Variants in DLGAP2 observed in about 807,000 individuals in gnomAD.
DLGAP2 encodes DLG associated protein 2, also known as disks large-associated protein 2.
A neutral mutation model predicts 100.3 loss-of-function variants in DLGAP2; 26 were observed. That is an observed-to-expected ratio of 0.26 (90% CI 0.19 to 0.36). The LOEUF (loss-of-function observed/expected upper bound fraction) is 0.36. Among genes scored for constraint, DLGAP2 ranks in the 10% least tolerant of loss-of-function variants. DLGAP2 has a pLI of 1.00. For missense variants in DLGAP2, 1,858 were observed against 1,453.2 expected (o/e 1.28, Z -4.53); for synonymous variants, 886 against 630.1 (o/e 1.41, Z -6.08).
intron 2 of DLGAP2, among the ~76,000 whole-genome samples, chr8:1,164,294 GC>G (rs1296174631): frequency 4.0e-4 from 21 of 52,164 alleles, no homozygotes; most frequent in South Asian, 5.9e-4. Context: ...CTGATTGTGA[GC>G]CCCCCAGGGT....
intron 2 of DLGAP2, among the ~76,000 whole-genome samples, chr8:994,378 T>C (rs1392557437): frequency 6.6e-6 from 1 of 152,120 alleles, no homozygotes; most frequent in Non-Finnish European, 1.5e-5. Flanking sequence ...TTTTGTATTT[T>C]TAGTAGAGAC....
chr8:1,592,163 G>A (rs978734761), intron 6 of DLGAP2, among the ~76,000 whole-genome samples: 2 of 152,142 alleles, frequency 1.3e-5, no homozygotes, highest in African/African-American at 2.4e-5. Flanking sequence ...CTTACCTAAC[G>A]GGGCCATCTC....
intron 3 of DLGAP2, among the ~76,000 whole-genome samples, chr8:1,366,095 G>A (rs932516247): frequency 6.6e-6 from 1 of 152,222 alleles, no homozygotes; most frequent in Non-Finnish European, 1.5e-5. Flanking sequence ...GCACCCGAAG[G>A]CCAGACACTG....
rs147043057 is a variant in DLGAP2 at position 1,475,815 on chromosome 8, T to A, written c.107-25551T>A. ...CTTCTAGTGTGTGATTTATAGGAGA[T>A]CATTACTCTTTGTAACCAAATGGAA... On this transcript the variant is annotated intron_variant, in intron 3 of 14. Coordinates refer to ENST00000637795, the MANE Select transcript of DLGAP2 (RefSeq NM_001346810.2). Among the ~76,000 whole-genome samples the A allele has an allele frequency of 5.1e-3, 777 of 152,300 alleles. 9 individuals carry two copies. Among genetic ancestry groups the A allele is most frequent in the African/African-American group, 0.017 (722 of 41,562 alleles).
intron 2 of DLGAP2, among the ~76,000 whole-genome samples, chr8:984,796 A>G (rs1288088267): frequency 1.3e-5 from 2 of 152,334 alleles, no homozygotes; most frequent in South Asian, 2.1e-4. Flanking sequence ...GTGATTGGTT[A>G]GGACAATGAA....
intron 3 of DLGAP2, among the ~76,000 whole-genome samples, chr8:1,276,812 C>T (rs537328164): frequency 6.6e-6 from 1 of 152,210 alleles, no homozygotes; most frequent in East Asian, 1.9e-4. Flanking sequence ...GCAAAAAGAA[C>T]TTCAGTATCT....
chr8:1,067,221 G>T (rs889890334), intron 2 of DLGAP2, among the ~76,000 whole-genome samples: 1 of 152,216 alleles, frequency 6.6e-6, no homozygotes, highest in Non-Finnish European at 1.5e-5. Context: ...AGTCCCATCT[G>T]ACCCCCAGTT....
At chr8:1,023,157 G>A (rs1412785263) in intron 2 of DLGAP2, among the ~76,000 whole-genome samples, 1 of 152,284 alleles carries the variant, frequency 6.6e-6, no homozygotes, top group East Asian at 1.9e-4. Flanking sequence ...ACACACTGTC[G>A]CTAATAGAAA....
At chr8:1,631,818 C>T (rs1797654113) in intron 7 of DLGAP2, among the ~76,000 whole-genome samples, 3 of 152,218 alleles carry the variant, frequency 2.0e-5, no homozygotes, top group Admixed American at 2.0e-4. Flanking sequence ...GTCCACAGGT[C>T]TGAACTTGGA....
At chr8:1,633,160 C>G in intron 8 of DLGAP2, 114 bp downstream of exon 8, 1 of 974,192 alleles carries the variant, frequency 1.0e-6, no homozygotes, top group Non-Finnish European at 1.5e-6. Flanking sequence ...CTCCTGACAT[C>G]TAGTAACGTT....
chr8:1,549,532 C>G lies in DLGAP2; in HGVS notation c.1079C>G (p.Thr360Arg), dbSNP rs754829025. The G allele has an allele frequency of 1.2e-6, 2 of 1,613,372 alleles. No homozygotes were observed. The highest frequency in any genetic ancestry group is 2.2e-5 in the South Asian group (2 of 91,082). Reference protein sequence around the residue: ...KCSACEGLALTPDAKYLKRSS... With the variant: ...KCSACEGLALRPDAKYLKRSS... ...TCGGCCTGTGAGGGGTTGGCGCTGA[C>G]GCCCGACGCCAAGTACCTGAAGCGC... Residue 360 changes from threonine to arginine, a missense_variant, in exon 5 of 15, where the codon ACG (threonine) becomes AGG (arginine). Coordinates refer to ENST00000637795, the MANE Select transcript of DLGAP2 (RefSeq NM_001346810.2).
intron 1 of DLGAP2, among the ~76,000 whole-genome samples, chr8:839,014 G>T (rs1796933083): frequency 6.6e-6 from 1 of 152,300 alleles, no homozygotes; most frequent in Non-Finnish European, 1.5e-5. Context: ...ATCAGGAAAA[G>T]CCACATATGA....
At chr8:924,568 G>C (rs942514869) in intron 2 of DLGAP2, among the ~76,000 whole-genome samples, 3 of 151,936 alleles carry the variant, frequency 2.0e-5, no homozygotes, top group African/African-American at 7.3e-5. Context: ...TGCTTATCCC[G>C]GTTATTCTTT....
At chr8:860,317 C>G (rs1311263589) in intron 1 of DLGAP2, among the ~76,000 whole-genome samples, 2 of 152,220 alleles carry the variant, frequency 1.3e-5, no homozygotes, top group African/African-American at 4.8e-5. Flanking sequence ...CCACTGGCTG[C>G]CGCTGCCAGC....
intron 8 of DLGAP2, among the ~76,000 whole-genome samples, chr8:1,648,570 C>T (rs111230919): frequency 7.2e-5 from 11 of 152,090 alleles, no homozygotes; most frequent in African/African-American, 2.4e-4. Flanking sequence ...TTGGTCCCCT[C>T]CGGCTGTTAT....
At chr8:1,633,462 A>T (rs570231114) in intron 8 of DLGAP2, among the ~76,000 whole-genome samples, 1 of 152,162 alleles carries the variant, frequency 6.6e-6, no homozygotes, top group Non-Finnish European at 1.5e-5. Context: ...CAGTAAGCAG[A>T]TCTGTAAACA....
chr8:1,195,273 C>T (rs938849019), intron 2 of DLGAP2, among the ~76,000 whole-genome samples: 1 of 152,180 alleles, frequency 6.6e-6, no homozygotes, highest in Non-Finnish European at 1.5e-5. Context: ...TGGCCAAGCA[C>T]CCAGTTAGAA....
chr8:1,307,975 A>G (rs73543611), intron 3 of DLGAP2, among the ~76,000 whole-genome samples: 7,323 of 152,204 alleles, frequency 0.048, 549 homozygotes, highest in African/African-American at 0.16. Context: ...AACACACCAC[A>G]GAACTACACA....
chr8:789,222 A>G (rs1437450728), intron 1 of DLGAP2, among the ~76,000 whole-genome samples: 8 of 152,176 alleles, frequency 5.3e-5, no homozygotes, highest in Admixed American at 5.2e-4. Context: ...GCAATTTATG[A>G]AGAAAGGAGG....
Sources: allele counts gnomAD v4.1 joint callset (sites outside exome capture counted in the v4.1 genomes callset), GRCh38; gene constraint gnomAD v4.1.1; transcripts MANE v1.5; gene names NCBI Gene and HGNC (gene_info 2026-07-23, HGNC 2026-07-21).